Variants in ADAMTS3 observed in about 807,000 individuals in gnomAD.
ADAMTS3 encodes ADAM metallopeptidase with thrombospondin type 1 motif 3, also known as A disintegrin and metalloproteinase with thrombospondin motifs 3.
ADAMTS3 carries 73 observed loss-of-function variants against 129.0 expected under a neutral mutation model. The ratio of observed to expected loss-of-function variants is 0.57; its 90% CI spans 0.47 to 0.69. The LOEUF (loss-of-function observed/expected upper bound fraction) is 0.69, where lower values mean the gene tolerates loss of function less well. Ranked by LOEUF, ADAMTS3 falls within the 30% of genes least tolerant of loss-of-function variation. ADAMTS3 has a pLI of 0.00. For synonymous variants in ADAMTS3, 477 were observed against 510.8 expected (o/e 0.93, Z 0.89); for missense variants, 1,457 against 1,514.5 (o/e 0.96, Z 0.63).
intron 3 of ADAMTS3, among the ~76,000 whole-genome samples, chr4:72,545,080 CTTTTTTTTGTTTGTTTGT>C (rs1284408333): frequency 6.6e-6 from 1 of 151,586 alleles, no homozygotes; most frequent in Admixed American, 6.6e-5. Context: ...TTTGAAAACT[CTTTTTTTTGTTTGTTTGT>C]TTGTTTTCTA....
At chr4:72,316,778 ATAAAG>A (rs1719409872) in intron 10 of ADAMTS3, among the ~76,000 whole-genome samples, 1 of 152,064 alleles carries the variant, frequency 6.6e-6, no homozygotes, top group Admixed American at 6.6e-5. Flanking sequence ...TCTGTGTAAG[ATAAAG>A]TATTCTAGGT....
rs1443210403 is a variant in ADAMTS3, at chr4:72,549,992, G to GGAGA, written c.98-1109_98-1108insTCTC. On this transcript the variant is annotated intron_variant, in intron 2 of 21. Transcript: ENST00000286657. ...AGAAGAAGAAGAAGAAGAAGAAGAA[G>GGAGA]AGGAAGAGGAAGAAGAAGAAGAAGA... is the stretch of plus-strand genomic sequence containing the variant. Among the ~76,000 whole-genome samples the GGAGA allele has an allele frequency of 8.7e-4, 7 of 8,060 alleles. 1 individual carries two copies. Among genetic ancestry groups the GGAGA allele is most frequent in the African/African-American group, 4.6e-3 (7 of 1,516 alleles). The allele number at this position is 8,060 out of a possible 152,430, so 5.3% of individuals were successfully genotyped here.
intron 4 of ADAMTS3, among the ~76,000 whole-genome samples, chr4:72,350,910 G>T (rs1165924187): frequency 6.6e-6 from 1 of 151,908 alleles, no homozygotes; most frequent in African/African-American, 2.4e-5. Context: ...CTTTAGAGTT[G>T]TATCTCTGTA....
chr4:72,360,224 G>A (rs1394810200), intron 4 of ADAMTS3, among the ~76,000 whole-genome samples: 1 of 152,048 alleles, frequency 6.6e-6, no homozygotes, highest in African/African-American at 2.4e-5. Flanking sequence ...ACCATAGGAG[G>A]TTTTTCCTCG....
At chr4:72,469,946 C>G (rs1719020144) in intron 3 of ADAMTS3, among the ~76,000 whole-genome samples, 1 of 152,096 alleles carries the variant, frequency 6.6e-6, no homozygotes, top group Admixed American at 6.6e-5. Context: ...TTCCAGGCAA[C>G]AGTAAGCTAT....
intron 2 of ADAMTS3, among the ~76,000 whole-genome samples, chr4:72,565,729 C>T (rs1029890497): frequency 4.4e-4 from 67 of 152,300 alleles, no homozygotes; most frequent in Middle Eastern, 6.8e-3. Context: ...CTTATCTCTC[C>T]TCTGCCAAAT....
At chr4:72,449,646 CA>C (rs1423284910) in intron 3 of ADAMTS3, among the ~76,000 whole-genome samples, 1 of 151,754 alleles carries the variant, frequency 6.6e-6, no homozygotes, top group Non-Finnish European at 1.5e-5. Flanking sequence ...TTCAAAAAGG[CA>C]AATCATACCA....
At chr4:72,452,721 A>G (rs1224596235) in intron 3 of ADAMTS3, among the ~76,000 whole-genome samples, 5 of 151,738 alleles carry the variant, frequency 3.3e-5, no homozygotes, top group Non-Finnish European at 4.4e-5. Context: ...GCTGGTCTGA[A>G]CCACACAGTC....
chr4:72,488,330 T>C (rs893684420), intron 3 of ADAMTS3, among the ~76,000 whole-genome samples: 7 of 152,010 alleles, frequency 4.6e-5, no homozygotes, highest in Admixed American at 6.6e-5. Flanking sequence ...CTGCTATTTT[T>C]ACTTTATAGG....
chr4:72,474,092 G>T (rs1247654763), intron 3 of ADAMTS3, among the ~76,000 whole-genome samples: 1 of 152,110 alleles, frequency 6.6e-6, no homozygotes, highest in African/African-American at 2.4e-5. Flanking sequence ...GTCAGAAAAG[G>T]CCAGTTAAAA....
chr4:72,543,587 G>C (rs931192306), intron 3 of ADAMTS3, among the ~76,000 whole-genome samples: 2 of 152,044 alleles, frequency 1.3e-5, no homozygotes, highest in African/African-American at 2.4e-5. Flanking sequence ...ATTTAAGGAC[G>C]TTATACTAAA....
intron 3 of ADAMTS3, among the ~76,000 whole-genome samples, chr4:72,464,870 A>T (rs74854439): frequency 1.3e-5 from 2 of 152,038 alleles, no homozygotes; most frequent in African/African-American, 4.8e-5. Context: ...TCACCAAATG[A>T]GTATTCAAGC....
chr4:72,405,124 T>C (rs776712262), intron 4 of ADAMTS3, among the ~76,000 whole-genome samples: 32 of 152,054 alleles, frequency 2.1e-4, no homozygotes, highest in Admixed American at 1.4e-3. Context: ...GAAAATAAAC[T>C]ATGTTGAGGC....
At chr4:72,291,298 T>C (rs947968319) in intron 19 of ADAMTS3, among the ~76,000 whole-genome samples, 1 of 152,054 alleles carries the variant, frequency 6.6e-6, no homozygotes, top group Non-Finnish European at 1.5e-5. Flanking sequence ...ATGTGCACAA[T>C]GTGCAGGTTA....
intron 5 of ADAMTS3, among the ~76,000 whole-genome samples, chr4:72,327,004 T>C (rs977237848): frequency 4.6e-5 from 7 of 152,102 alleles, no homozygotes; most frequent in Admixed American, 3.3e-4. Context: ...TACACATAAA[T>C]GAAACAATCT....
chr4:72,399,425 T>C (rs567916865), intron 4 of ADAMTS3, among the ~76,000 whole-genome samples: 3 of 152,096 alleles, frequency 2.0e-5, no homozygotes, highest in Non-Finnish European at 2.9e-5. Flanking sequence ...AGAACAACAC[T>C]CTTCTCTGAA....
At chr4:72,532,592 A>G (rs1031325552) in intron 3 of ADAMTS3, among the ~76,000 whole-genome samples, 1 of 152,092 alleles carries the variant, frequency 6.6e-6, no homozygotes, top group Non-Finnish European at 1.5e-5. Flanking sequence ...AATGACTAGG[A>G]TATGTTCTGA....
chr4:72,395,850 G>A (rs556089401), intron 4 of ADAMTS3, among the ~76,000 whole-genome samples: 1 of 152,254 alleles, frequency 6.6e-6, no homozygotes, highest in South Asian at 2.1e-4. Flanking sequence ...ACACGCATGT[G>A]CTGTGGATAC....
In ADAMTS3 at chr4:72,290,996, A is replaced by T; in HGVS notation, c.2790T>A (p.Thr930=). 6.2e-7 allele frequency: 1 copy of T among 1,614,062 alleles called. No homozygotes were observed. The change falls in exon 20 of 22, where the codon ACT becomes ACA. Residue 930 remains threonine, a synonymous_variant. Coordinates refer to ENST00000286657, the MANE Select transcript of ADAMTS3 (RefSeq NM_014243.3). ...CAAGGAGTGGCTGAAGGCAGCGTACAGTGCGAAGCTGATAGCCAGAACTTC... is the reference window on the plus strand; with the variant it reads ...CAAGGAGTGGCTGAAGGCAGCGTACTGTGCGAAGCTGATAGCCAGAACTTC... The part of the protein sequence containing the change: ...TCGSSGYQLR[T]VRCLQPLLDG...
Sources: allele counts gnomAD v4.1 joint callset (sites outside exome capture counted in the v4.1 genomes callset), GRCh38; gene constraint gnomAD v4.1.1; transcripts MANE v1.5; gene names NCBI Gene and HGNC (gene_info 2026-07-23, HGNC 2026-07-21).